Variants in VSTM4 observed in about 807,000 individuals in gnomAD.
The protein encoded by VSTM4 is V-set and transmembrane domain containing 4.
Under a neutral mutation model 36.4 loss-of-function variants are expected in VSTM4, and 20 were observed. The ratio of observed to expected loss-of-function variants is 0.55; its 90% CI spans 0.39 to 0.80. The LOEUF (loss-of-function observed/expected upper bound fraction) is 0.80, where lower values mean the gene tolerates loss of function less well. Among genes scored for constraint, VSTM4 ranks in the 30% least tolerant of loss-of-function variants. The pLI, the probability that VSTM4 is intolerant of heterozygous loss-of-function variation, is 0.00. For synonymous variants in VSTM4, 182 were observed against 173.9 expected, an observed-to-expected ratio of 1.05 and a Z score of -0.37; for missense variants, 392 against 404.5, an observed-to-expected ratio of 0.97 and a Z score of 0.26.
intron 5 of VSTM4, among the ~76,000 whole-genome samples, chr10:49,063,659 G>T (rs1402258838): frequency 6.6e-6 from 1 of 152,208 alleles, no homozygotes. Flanking sequence ...GGGCCCTGCT[G>T]GTGCTGCCAG....
At chr10:49,069,488 C>G (rs1348711970) in intron 4 of VSTM4, among the ~76,000 whole-genome samples, 1 of 152,228 alleles carries the variant, frequency 6.6e-6, no homozygotes, top group African/African-American at 2.4e-5. Context: ...CCAGCACAGG[C>G]TGGGAGCCCT....
intron 3 of VSTM4, among the ~76,000 whole-genome samples, chr10:49,083,701 G>C (rs1844320903): frequency 6.6e-6 from 1 of 152,220 alleles, no homozygotes. Flanking sequence ...TTCTATAGCT[G>C]CACATGAATT....
At chr10:49,085,917 C>A in intron 3 of VSTM4, 38 bp downstream of exon 3, 2 of 1,324,514 alleles carry the variant, frequency 1.5e-6, no homozygotes, top group Non-Finnish European at 2.1e-6. Context: ...GAAAAAGCAA[C>A]TATAGAGCAA....
chr10:49,033,899 TCAC>T lies in VSTM4; in HGVS notation c.837+13081_837+13083del, dbSNP rs1432945393. Among the ~76,000 whole-genome samples, 6 of 152,174 alleles carry T rather than the reference TCAC, an allele frequency of 3.9e-5. No individual in the cohort carries two copies. The East Asian group carries it at 1.2e-3, about 29-fold the overall frequency. On this transcript the variant is annotated intron_variant, in intron 7 of 7. Coordinates refer to ENST00000332853, the MANE Select transcript of VSTM4 (RefSeq NM_001031746.5). The stretch of plus-strand genomic sequence containing the variant: ...ATTATCATCATTATTACCACCGCCA[TCAC>T]CACCATCATCATCACCATCCTCTTC...
At position 49,049,344 on chromosome 10, in the gene VSTM4, C is replaced by G. The variant is rs116060353; in HGVS notation, c.669-760G>C. On this transcript the variant is annotated intron_variant, in intron 5 of 7. Coordinates refer to ENST00000332853, the MANE Select transcript of VSTM4 (RefSeq NM_001031746.5). ...GGCTTAAATAGGCTACATGATTGCT[C>G]TAAGTGACATTGTTGGTAAGCAGCA... Among the ~76,000 whole-genome samples, 377 of 152,212 alleles carry G rather than the reference C, an allele frequency of 2.5e-3. 3 individuals carry two copies. Among genetic ancestry groups the G allele is most frequent in the African/African-American group, 8.8e-3 (364 of 41,522 alleles).
At chr10:49,102,446 TATA>T (rs1359798426) in intron 2 of VSTM4, 3 of 985,320 alleles carry the variant, frequency 3.0e-6, no homozygotes, top group East Asian at 1.1e-4. Flanking sequence ...CTCTTTTATG[TATA>T]ATATTTTTGA....
intron 7 of VSTM4, among the ~76,000 whole-genome samples, chr10:49,044,907 T>C (rs981428086): frequency 4.6e-5 from 7 of 152,356 alleles, no homozygotes; most frequent in South Asian, 2.1e-4. Flanking sequence ...TAGATCTTTT[T>C]TTCATATGGA....
chr10:49,106,684 T>C (rs193180525), intron 2 of VSTM4, among the ~76,000 whole-genome samples: 2 of 152,244 alleles, frequency 1.3e-5, no homozygotes, highest in African/African-American at 4.8e-5. Flanking sequence ...GCCTCCTCCA[T>C]GGGTGCCCGG....
intron 7 of VSTM4, among the ~76,000 whole-genome samples, chr10:49,041,867 T>C (rs1437619931): frequency 6.6e-6 from 1 of 152,216 alleles, no homozygotes; most frequent in African/African-American, 2.4e-5. Context: ...TTTTTTGATC[T>C]ATCCCTGGGA....
At chr10:49,100,576 G>T (rs753617025) in intron 2 of VSTM4, among the ~76,000 whole-genome samples, 2 of 150,744 alleles carry the variant, frequency 1.3e-5, no homozygotes, top group Non-Finnish European at 3.0e-5. Context: ...TGTACTGAAA[G>T]ACATTTAAAA....
At chr10:49,108,963 G>T in intron 1 of VSTM4, among the ~76,000 whole-genome samples, 1 of 152,172 alleles carries the variant, frequency 6.6e-6, no homozygotes, top group Non-Finnish European at 1.5e-5. Flanking sequence ...AGGCTGCCCG[G>T]TGCTCACAGC....
At chr10:49,036,248 A>T (rs1377871874) in intron 7 of VSTM4, among the ~76,000 whole-genome samples, 2 of 152,204 alleles carry the variant, frequency 1.3e-5, no homozygotes, top group South Asian at 4.1e-4. Context: ...TCCAGCTGAC[A>T]TACATAACTC....
intron 5 of VSTM4, among the ~76,000 whole-genome samples, chr10:49,056,202 C>A (rs1314872074): frequency 6.6e-6 from 1 of 152,244 alleles, no homozygotes; most frequent in Non-Finnish European, 1.5e-5. Context: ...GAAGCTCCTG[C>A]AGCCGCGAGG....
In VSTM4 at chr10:49,019,635, G is replaced by C; in HGVS notation, c.*15C>G. ...GTGGCAGGTATTAAATAGAACCTTG[G>C]AGGTGGACGCTGTACTACAGCTTGT... is the stretch of plus-strand genomic sequence containing the variant. On this transcript the variant is annotated 3_prime_UTR_variant, in exon 8 of 8. Transcript: ENST00000332853. 1 of 1,596,382 alleles carries C rather than the reference G, an allele frequency of 6.3e-7. No individual in the cohort carries two copies. The highest frequency in any genetic ancestry group is 8.5e-7 in the Non-Finnish European group (1 of 1,170,872).
At position 49,105,684 on chromosome 10, in the gene VSTM4, T is replaced by TA. The variant is rs771736259; in HGVS notation, c.457+1909_457+1910insT. On this transcript the variant is annotated intron_variant, in intron 2 of 7. Transcript: ENST00000332853. The stretch of plus-strand genomic sequence containing the variant: ...GATTCACGTTAACCAACAAGCTAAA[T>TA]GACTCTGCTTACTTGAAGGTAGCAA... Among the ~76,000 whole-genome samples the TA allele has an allele frequency of 2.6e-5, 4 of 152,334 alleles. No individual in the cohort carries two copies. The East Asian group carries it at 5.8e-4, about 22-fold the overall frequency.
At chr10:49,031,673 A>C (rs1335180331) in intron 7 of VSTM4, among the ~76,000 whole-genome samples, 1 of 152,198 alleles carries the variant, frequency 6.6e-6, no homozygotes, top group Non-Finnish European at 1.5e-5. Flanking sequence ...ATAATAAGTC[A>C]AACCATGCCA....
chr10:49,050,643 A>G (rs1645088922), intron 5 of VSTM4, among the ~76,000 whole-genome samples: 1 of 152,246 alleles, frequency 6.6e-6, no homozygotes, highest in Admixed American at 6.5e-5. Context: ...TTGACCAACA[A>G]TAGCAAACAA....
chr10:49,063,625 C>G (rs1377947794), intron 5 of VSTM4, among the ~76,000 whole-genome samples: 1 of 152,136 alleles, frequency 6.6e-6, no homozygotes, highest in Non-Finnish European at 1.5e-5. Flanking sequence ...TTATTTTGGT[C>G]TGTTTGGTTT....
chr10:49,103,976 G>A (rs1470517170), intron 2 of VSTM4: 2 of 822,138 alleles, frequency 2.4e-6, no homozygotes, highest in Non-Finnish European at 3.8e-6. Flanking sequence ...CAAAGGTACG[G>A]ACCACAGAAC....
Sources: allele counts gnomAD v4.1 joint callset (sites outside exome capture counted in the v4.1 genomes callset), GRCh38; gene constraint gnomAD v4.1.1; transcripts MANE v1.5; gene names NCBI Gene and HGNC (gene_info 2026-07-23, HGNC 2026-07-21).